The following RNF8 variants were observed in gnomAD, a reference collection of about 807,000 sequenced individuals.
RNF8 encodes the protein E3 ubiquitin-protein ligase RNF8.
RNF8 carries 8 observed loss-of-function variants against 59.3 expected under a neutral mutation model. The observed-to-expected ratio is 0.13, with a 90% CI of 0.08 to 0.24. The LOEUF (loss-of-function observed/expected upper bound fraction) is 0.24. RNF8 is among the 10% of genes least tolerant of loss of function. RNF8 has a pLI of 1.00. For missense variants in RNF8, 406 were observed against 572.6 expected (o/e 0.71, Z 2.97); for synonymous variants, 162 against 200.0 (o/e 0.81, Z 1.60).
At position 37,369,137 on chromosome 6, in the gene RNF8, G is replaced by A. The variant is rs892010519; in HGVS notation, c.894G>A (p.Gln298=). The A allele has an allele frequency of 8.1e-6, 13 of 1,614,078 alleles. No homozygotes were observed. The highest frequency in any genetic ancestry group is 3.3e-5 in the Admixed American group (2 of 59,998). Residue 298 remains glutamine (Q), a synonymous_variant, in exon 3 of 8, where the codon CAG becomes CAA. Transcript: ENST00000373479. The part of the protein sequence containing the change: ...MEQELQDLQS[Q]LCAEQAQQQA... ...AGGAACTTCAGGACTTACAGTCCCA[G>A]CTGTGTGCAGAGCAGGCTCAGCAGC... is the stretch of plus-strand genomic sequence containing the variant.
chr6:37,378,930 G>A (rs1319927414), intron 6 of RNF8, among the ~76,000 whole-genome samples: 1 of 152,156 alleles, frequency 6.6e-6, no homozygotes, highest in Non-Finnish European at 1.5e-5. Flanking sequence ...ACTTGACCCT[G>A]TGTTTTGTTT....
intron 7 of RNF8, among the ~76,000 whole-genome samples, chr6:37,389,700 T>TG (rs376012486): frequency 1.7e-4 from 26 of 150,294 alleles, no homozygotes; most frequent in Non-Finnish European, 2.7e-4. Context: ...AAGAGTATCG[T>TG]GGGGGGGTGG....
intron 7 of RNF8, among the ~76,000 whole-genome samples, chr6:37,384,474 A>G (rs532066537): frequency 2.6e-5 from 4 of 152,196 alleles, no homozygotes; most frequent in Admixed American, 6.5e-5. Flanking sequence ...TGTGGCTACT[A>G]GTGAGAGTGT....
intron 5 of RNF8, among the ~76,000 whole-genome samples, chr6:37,375,153 C>T (rs373826754): frequency 1.4e-4 from 21 of 152,338 alleles, no homozygotes; most frequent in African/African-American, 5.1e-4. Context: ...CAGGGCCAGA[C>T]TGGTAATCAA....
chr6:37,392,613 A>G lies in RNF8; in HGVS notation c.*1855A>G. On this transcript the variant is annotated 3_prime_UTR_variant, in exon 8 of 8. Coordinates refer to ENST00000373479, the MANE Select transcript of RNF8 (RefSeq NM_003958.4). Reference sequence around the variant, plus strand: ...TTGCTTTTTTCAGATATATGTTGGCAACAGTTCCATGTCAGTACATAGTTT... The same window carrying G: ...TTGCTTTTTTCAGATATATGTTGGCGACAGTTCCATGTCAGTACATAGTTT... The G allele has an allele frequency of 2.5e-6, 1 of 398,592 alleles. No homozygotes were observed. Among genetic ancestry groups the G allele is most frequent in the Non-Finnish European group, 4.4e-6 (1 of 226,044 alleles). 24.7% of individuals were successfully genotyped at this position (398,592 alleles called of 1,614,324 possible).
At chr6:37,381,054 C>T (rs1169542956) in intron 6 of RNF8, 96 bp from the exon 7 acceptor site, 8 of 1,029,860 alleles carry the variant, frequency 7.8e-6, no homozygotes, top group African/African-American at 1.6e-5. Flanking sequence ...TCCATTTGGC[C>T]TTTGAAATTC....
At chr6:37,386,705 C>A (rs566435086) in intron 7 of RNF8, among the ~76,000 whole-genome samples, 2 of 152,164 alleles carry the variant, frequency 1.3e-5, no homozygotes, top group Non-Finnish European at 2.9e-5. Flanking sequence ...GGGATCCCAT[C>A]GCTGCTGGAG....
At chr6:37,378,457 C>T (rs1278711328) in intron 6 of RNF8, among the ~76,000 whole-genome samples, 2 of 151,844 alleles carry the variant, frequency 1.3e-5, no homozygotes, top group African/African-American at 2.4e-5. Context: ...AAAAATTAGC[C>T]AAGCATGGTG....
chr6:37,354,842 C>G (rs539710863), intron 1 of RNF8, among the ~76,000 whole-genome samples: 1 of 152,366 alleles, frequency 6.6e-6, no homozygotes, highest in East Asian at 1.9e-4. Context: ...GGCGCCTGAA[C>G]TTTCTCGAGT....
intron 6 of RNF8, among the ~76,000 whole-genome samples, chr6:37,378,134 A>G (rs1464177567): frequency 6.6e-6 from 1 of 152,092 alleles, no homozygotes; most frequent in East Asian, 1.9e-4. Context: ...TCTCTACTAA[A>G]ACTACAAAAA....
At chr6:37,386,985 T>G (rs1296094712) in intron 7 of RNF8, among the ~76,000 whole-genome samples, 1 of 152,190 alleles carries the variant, frequency 6.6e-6, no homozygotes, top group African/African-American at 2.4e-5. Flanking sequence ...CAGGAATGTC[T>G]ATTGTAGGAG....
intron 7 of RNF8, among the ~76,000 whole-genome samples, chr6:37,388,559 A>G (rs1283322847): frequency 2.0e-5 from 3 of 152,170 alleles, no homozygotes; most frequent in Non-Finnish European, 4.4e-5. Flanking sequence ...AGAAACACCA[A>G]CATTAGGGGA....
chr6:37,354,685 C>G (rs2113810834), intron 1 of RNF8, among the ~76,000 whole-genome samples: 1 of 141,978 alleles, frequency 7.0e-6, no homozygotes, highest in South Asian at 2.3e-4. Context: ...GAGAGGGACG[C>G]GCAGGGAACG....
chr6:37,360,552 A>G lies in RNF8; in HGVS notation c.218A>G (p.Gln73Arg). Residue 73 changes from glutamine to arginine, a missense_variant, in exon 2 of 8, where the codon CAA becomes CGA. Coordinates refer to ENST00000373479, the MANE Select transcript of RNF8 (RefSeq NM_003958.4). The surrounding 1 kb of genome is among the most constrained non-coding windows in gnomAD (Gnocchi z 4.2). ...HCVLKQNPEG[Q>R]WTIMDNKSLN... ...GTTTTGAAGCAGAATCCTGAGGGCCAATGGACAATTATGGACAACAAGGTA... is the reference window on the plus strand; with the variant it reads ...GTTTTGAAGCAGAATCCTGAGGGCCGATGGACAATTATGGACAACAAGGTA... The G allele has an allele frequency of 6.2e-7, 1 of 1,614,042 alleles. No homozygotes were observed. Among genetic ancestry groups the G allele is most frequent in the Non-Finnish European group, 8.5e-7 (1 of 1,179,942 alleles).
Position 37,354,332 on chromosome 6 carries a change from C to G in RNF8, c.111+57C>G. The G allele has an allele frequency of 4.6e-6, 6 of 1,303,726 alleles. No individual in the cohort carries two copies. In the East Asian group the frequency reaches 1.1e-4, roughly 24 times the overall value. 80.8% of individuals were successfully genotyped at this position (1,303,726 alleles called of 1,614,324 possible). A position where few individuals can be genotyped will look rare whatever the true frequency, so the allele number is the denominator to read the frequency against. On this transcript the variant is annotated intron_variant, in intron 1 of 7. Transcript: ENST00000373479. ...GCAGGGGCTGGAGGGAGCGGGGCTC[C>G]GGGGAGGGAGGAAGGTGTCTTGCTG...
At chr6:37,389,435 G>A (rs1224560834) in intron 7 of RNF8, among the ~76,000 whole-genome samples, 1 of 151,998 alleles carries the variant, frequency 6.6e-6, no homozygotes, top group Non-Finnish European at 1.5e-5. Flanking sequence ...CTAAGATGGG[G>A]AGGACCACCA....
intron 2 of RNF8, among the ~76,000 whole-genome samples, chr6:37,361,799 T>C (rs1209139591): frequency 6.6e-6 from 1 of 152,194 alleles, no homozygotes; most frequent in East Asian, 1.9e-4. Context: ...AAGGAGACAG[T>C]ACATAAATGC....
intron 6 of RNF8, among the ~76,000 whole-genome samples, chr6:37,378,699 C>G (rs1217148839): frequency 6.6e-6 from 1 of 151,084 alleles, no homozygotes; most frequent in East Asian, 2.0e-4. Context: ...CTTGAAAAAT[C>G]TCTCCTGGGC....
intron 5 of RNF8, 116 bp downstream of exon 5, chr6:37,374,825 C>G (rs1769942762): frequency 1.5e-6 from 1 of 681,976 alleles, no homozygotes; most frequent in Admixed American, 2.8e-5. Flanking sequence ...CTCCTTGCCT[C>G]TGGGGAGATA....
Sources: allele counts gnomAD v4.1 joint callset (sites outside exome capture counted in the v4.1 genomes callset), GRCh38; gene constraint gnomAD v4.1.1; non-coding constraint Gnocchi (gnomAD v3.1); transcripts MANE v1.5; gene names NCBI Gene and HGNC (gene_info 2026-07-23, HGNC 2026-07-21).